The following ZNF141 variants were observed in gnomAD, a reference collection of about 807,000 sequenced individuals.
ZNF141 encodes zinc finger protein 141 (clone pHZ-44).
A neutral mutation model predicts 11.3 loss-of-function variants in ZNF141; 7 were observed. That is an observed-to-expected ratio of 0.62 (90% CI 0.35 to 1.16). The LOEUF is 1.16. Ranked by LOEUF, ZNF141 falls within the 50% of genes most tolerant of loss-of-function variation. ZNF141 has a pLI of 0.02. For missense variants in ZNF141, 535 were observed against 554.0 expected, an observed-to-expected ratio of 0.97 and a Z score of 0.34; for synonymous variants, 183 against 190.7, an observed-to-expected ratio of 0.96 and a Z score of 0.33.
rs571751845 is a variant in ZNF141, at chr4:347,560, T to G, written c.226+3130T>G. Among the ~76,000 whole-genome samples, 25 of 151,236 alleles carry G rather than the reference T, an allele frequency of 1.7e-4. 1 individual carries two copies. In the South Asian group the frequency reaches 5.2e-3, roughly 32 times the overall value. ...TTCGCTGTGTTAGCCAGGATGGTCT[T>G]GGTCTCCTGATCTCATGATCCGCCT... On this transcript the variant is annotated intron_variant, in intron 3 of 3. Coordinates refer to ENST00000240499, the MANE Select transcript of ZNF141 (RefSeq NM_003441.4).
At position 341,335 on chromosome 4, in the gene ZNF141, A is replaced by G. The variant is rs186104119; in HGVS notation, c.4-2447A>G. Among the ~76,000 whole-genome samples, 1,123 of 152,286 alleles carry G rather than the reference A, an allele frequency of 7.4e-3. 11 individuals carry two copies. The highest frequency in any genetic ancestry group is 0.071 in the Middle Eastern group (21 of 294). ...CTCAGCCTCCCAAAGTGCTGAGATT[A>G]CAGGCGTGAGCCACCGTGCCCAGCC... is the stretch of plus-strand genomic sequence containing the variant. On this transcript the variant is annotated intron_variant, in intron 1 of 3. Transcript: ENST00000240499.
At position 337,886 on chromosome 4, in the gene ZNF141, C is replaced by G. The variant is rs3749522; in HGVS notation, c.-98C>G. 29 of 1,455,426 alleles carry G rather than the reference C, an allele frequency of 2.0e-5. No individual in the cohort carries two copies. The East Asian group carries it at 6.4e-4, about 32-fold the overall frequency. The allele number at this position is 1,455,426 out of a possible 1,614,324, so 90.2% of individuals were successfully genotyped here. A position where few individuals can be genotyped will look rare whatever the true frequency, so the allele number is the denominator to read the frequency against. ...CTCTGCGTTCTCAGTTGTGGGAGGC[C>G]TTGGTGATTCGGCCACAGCTCAGCC... is the stretch of plus-strand genomic sequence containing the variant. On this transcript the variant is annotated 5_prime_UTR_variant, in exon 1 of 4. Coordinates refer to ENST00000240499, the MANE Select transcript of ZNF141 (RefSeq NM_003441.4).
intron 3 of ZNF141, 135 bp from the exon 4 acceptor site, chr4:372,529 C>G: frequency 1.4e-6 from 1 of 712,934 alleles, no homozygotes. Flanking sequence ...ATGTATATGT[C>G]TGTGAAGAAG....
intron 3 of ZNF141, among the ~76,000 whole-genome samples, chr4:346,488 G>A (rs1204850343): frequency 6.6e-6 from 1 of 152,130 alleles, no homozygotes; most frequent in Admixed American, 6.6e-5. Flanking sequence ...GCCTACTGTT[G>A]TAGCAAATTT....
intron 3 of ZNF141, among the ~76,000 whole-genome samples, chr4:371,570 C>T (rs918447020): frequency 7.0e-6 from 1 of 142,824 alleles, no homozygotes; most frequent in East Asian, 2.1e-4. Context: ...GTCAGAGTCT[C>T]GCTGTGTCTC....
At chr4:367,302 A>T (rs1032782305) in intron 3 of ZNF141, among the ~76,000 whole-genome samples, 2 of 152,092 alleles carry the variant, frequency 1.3e-5, no homozygotes, top group Non-Finnish European at 1.5e-5. Context: ...TGTATTGTTT[A>T]TGAGTTGTTT....
In ZNF141 at chr4:382,600, A is replaced by G. The variant is rs1325684219; in HGVS notation, c.*8738A>G. The G allele has an allele frequency of 2.6e-5, 4 of 152,292 alleles. No homozygotes were observed. Among genetic ancestry groups the G allele is most frequent in the Non-Finnish European group, 4.4e-5 (3 of 68,116 alleles). 9.4% of individuals were successfully genotyped at this position (152,292 alleles called of 1,614,324 possible). A position where few individuals can be genotyped will look rare whatever the true frequency, so the allele number is the denominator to read the frequency against. ...AATTTCCTAAACCCAGTGCTCAGCA[A>G]TTTTCTCAAATTGTTTACAGTTTTT... On this transcript the variant is annotated 3_prime_UTR_variant, in exon 4 of 4. Transcript: ENST00000240499.
In ZNF141 at chr4:379,014, T is replaced by C. The variant is rs1712497566; in HGVS notation, c.*5152T>C. ...TGCCCACCACCACACCCAGCTAATT[T>C]TTGTATTTTTAATAGAGATGAGGTT... is the stretch of plus-strand genomic sequence containing the variant. On this transcript the variant is annotated 3_prime_UTR_variant, in exon 4 of 4. Transcript: ENST00000240499. 6.6e-6 allele frequency among the ~76,000 whole-genome samples: 1 copy of C among 151,666 alleles called. No individual in the cohort carries two copies. The highest frequency in any genetic ancestry group is 2.4e-5 in the African/African-American group (1 of 41,252).
intron 3 of ZNF141, among the ~76,000 whole-genome samples, chr4:363,776 G>T (rs1711594361): frequency 6.6e-6 from 1 of 151,688 alleles, no homozygotes; most frequent in Admixed American, 6.6e-5. Flanking sequence ...AAAAAAGGCG[G>T]GGGGGAATGC....
In ZNF141 at chr4:373,532, G is replaced by GC; in HGVS notation, c.1098dup (p.Tyr367LeufsTer4). 6.2e-7 allele frequency: 1 copy of GC among 1,610,882 alleles called. No homozygotes were observed. The highest frequency in any genetic ancestry group is 8.5e-7 in the Non-Finnish European group (1 of 1,179,222). On this transcript the variant is annotated frameshift_variant, in exon 4 of 4. Coordinates refer to ENST00000240499, the MANE Select transcript of ZNF141 (RefSeq NM_003441.4). LOFTEE classifies it low-confidence loss of function (END_TRUNC). The stretch of plus-strand genomic sequence containing the variant: ...ATAAGAAAGTTCATACTGGAGAGCG[G>GC]CCCTACAAATGTGATGAATGTGGCA...
chr4:339,115 G>C (rs1553848034), intron 1 of ZNF141, among the ~76,000 whole-genome samples: 1 of 152,236 alleles, frequency 6.6e-6, no homozygotes, highest in East Asian at 1.9e-4. Flanking sequence ...GGCCACACTT[G>C]TCCCAGGACA....
chr4:371,576 G>A (rs113916021), intron 3 of ZNF141, among the ~76,000 whole-genome samples: 2 of 148,572 alleles, frequency 1.3e-5, no homozygotes, highest in Admixed American at 1.4e-4. Flanking sequence ...GTCTCGCTGT[G>A]TCTCCCAGGC....
At chr4:338,050 C>T (rs574104814) in intron 1 of ZNF141, 64 bp downstream of exon 1, 15 of 1,605,698 alleles carry the variant, frequency 9.3e-6, no homozygotes, top group African/African-American at 6.7e-5. Context: ...CGGGAAATGG[C>T]GGCGGGACCG....
intron 3 of ZNF141, among the ~76,000 whole-genome samples, chr4:364,546 A>G (rs1031558931): frequency 3.3e-5 from 5 of 151,948 alleles, no homozygotes; most frequent in Non-Finnish European, 5.9e-5. Flanking sequence ...TATCCCCTTT[A>G]TCATTTCTTG....
At chr4:353,604 GT>G (rs1246621323) in intron 3 of ZNF141, among the ~76,000 whole-genome samples, 3 of 151,808 alleles carry the variant, frequency 2.0e-5, no homozygotes, top group Non-Finnish European at 4.4e-5. Flanking sequence ...GGGACTACAG[GT>G]GTGTGCCACC....
intron 3 of ZNF141, among the ~76,000 whole-genome samples, chr4:371,723 G>A (rs782478947): frequency 4.6e-5 from 7 of 151,260 alleles, no homozygotes; most frequent in Admixed American, 1.3e-4. Context: ...TGTATTTTTA[G>A]TAGGGACGGT....
intron 1 of ZNF141, chr4:338,306 G>A: frequency 5.6e-6 from 2 of 357,744 alleles, no homozygotes; most frequent in Non-Finnish European, 1.0e-5. Flanking sequence ...AGAAGCTGTG[G>A]TCTGGGGATC....
Position 347,958 on chromosome 4 carries a change from C to A in ZNF141, c.226+3528C>A, listed in dbSNP as rs1581589434. Among the ~76,000 whole-genome samples, 6 of 151,944 alleles carry A rather than the reference C, an allele frequency of 3.9e-5. No individual in the cohort carries two copies. The South Asian group carries it at 1.0e-3, about 26-fold the overall frequency. ...CTCTCGGGTTCAAGCGATTCTCCTG[C>A]CTCAGCCTCCCGAGTAGCTGGGATT... On this transcript the variant is annotated intron_variant, in intron 3 of 3. Coordinates refer to ENST00000240499, the MANE Select transcript of ZNF141 (RefSeq NM_003441.4).
At chr4:346,698 TCTAA>T (rs1353087536) in intron 3 of ZNF141, among the ~76,000 whole-genome samples, 6 of 152,286 alleles carry the variant, frequency 3.9e-5, no homozygotes, top group African/African-American at 1.4e-4. Flanking sequence ...AGATTTCCTA[TCTAA>T]CTGAGAAAAT....
Sources: allele counts gnomAD v4.1 joint callset (sites outside exome capture counted in the v4.1 genomes callset), GRCh38; gene constraint gnomAD v4.1.1; transcripts MANE v1.5; gene names NCBI Gene and HGNC (gene_info 2026-07-23, HGNC 2026-07-21).